The following TRIP12 variants were observed in gnomAD, a reference collection of about 807,000 sequenced individuals.
The protein encoded by TRIP12 is E3 ubiquitin-protein ligase TRIP12.
TRIP12 carries 25 observed loss-of-function variants against 244.2 expected under a neutral mutation model. That is an observed-to-expected ratio of 0.10 (90% confidence interval 0.07 to 0.14). The LOEUF is 0.14. TRIP12 is among the 10% of genes least tolerant of loss of function. TRIP12 has a pLI of 1.00. For missense variants in TRIP12, 1,677 were observed against 2,486.4 expected, an observed-to-expected ratio of 0.67 and a Z score of 6.92; for synonymous variants, 905 against 873.1, an observed-to-expected ratio of 1.04 and a Z score of -0.64.
At position 229,766,455 on chromosome 2, in the gene TRIP12, A is replaced by G. The variant is rs1176808774; in HGVS notation, c.*1099T>C. On this transcript the variant is annotated 3_prime_UTR_variant, in exon 42 of 42. Coordinates refer to ENST00000675903, the MANE Select transcript of TRIP12 (RefSeq NM_001348323.3). ...TATTGCAGATTTGAGAAATCAGCACATAAAATGACTGGACAGCATTGCTTA... is the reference window on the plus strand; with the variant it reads ...TATTGCAGATTTGAGAAATCAGCACGTAAAATGACTGGACAGCATTGCTTA... 6.6e-6 allele frequency: 1 copy of G among 152,222 alleles called. No homozygotes were observed. The highest frequency in any genetic ancestry group is 2.4e-5 in the African/African-American group (1 of 41,462). 9.4% of individuals were successfully genotyped at this position (152,222 alleles called of 1,614,324 possible).
chr2:229,874,026 G>A (rs1208871938), intron 2 of TRIP12, among the ~76,000 whole-genome samples: 2 of 149,382 alleles, frequency 1.3e-5, no homozygotes, highest in East Asian at 2.0e-4. Context: ...ATTTTAAAAT[G>A]TTGTAGAAAT....
intron 4 of TRIP12, among the ~76,000 whole-genome samples, chr2:229,847,491 C>A (rs2057803700): frequency 6.6e-6 from 1 of 152,172 alleles, no homozygotes; most frequent in East Asian, 1.9e-4. Flanking sequence ...GCCACTAATA[C>A]AGCATTAAAA....
chr2:229,836,026 AC>A (rs2054725841), intron 6 of TRIP12, among the ~76,000 whole-genome samples: 1 of 152,216 alleles, frequency 6.6e-6, no homozygotes, highest in Non-Finnish European at 1.5e-5. Flanking sequence ...AAACAAGAAG[AC>A]ATCAATAGCG....
Position 229,769,237 on chromosome 2 carries a change from T to C in TRIP12, c.5897A>G (p.His1966Arg). 6.2e-7 allele frequency: 1 copy of C among 1,611,958 alleles called. No individual in the cohort carries two copies. Among genetic ancestry groups the C allele is most frequent in the Non-Finnish European group, 8.5e-7 (1 of 1,178,880 alleles). Residue 1966 changes from histidine (H) to arginine (R), a missense_variant, in exon 40 of 42, where the codon CAT (histidine) becomes CGT (arginine). This residue lies in a region of TRIP12 where 171 missense variants were observed against 388.4 expected (regional missense o/e 0.44). Transcript: ENST00000675903. ...ECCRPDHGYT[H>R]DSRAVKFLFE... Reference sequence around the variant, plus strand: ...GGCAGACCCCAGTACTTACCTGTCATGAGTATAACCATGATCAGGCCTACA... The same window carrying C: ...GGCAGACCCCAGTACTTACCTGTCACGAGTATAACCATGATCAGGCCTACA...
Position 229,790,692 on chromosome 2 carries a change from G to A in TRIP12, c.4543+432C>T, listed in dbSNP as rs537046806. 2.0e-5 allele frequency among the ~76,000 whole-genome samples: 3 copies of A among 152,296 alleles called. No homozygotes were observed. The South Asian group carries it at 6.2e-4, about 32-fold the overall frequency. ...AAAATAAGTCTATTAGAAAGTGACGGTTATATTCGATGGTCATTACATTAC... is the reference window on the plus strand; with the variant it reads ...AAAATAAGTCTATTAGAAAGTGACGATTATATTCGATGGTCATTACATTAC... On this transcript the variant is annotated intron_variant, in intron 30 of 41. Coordinates refer to ENST00000675903, the MANE Select transcript of TRIP12 (RefSeq NM_001348323.3).
intron 4 of TRIP12, among the ~76,000 whole-genome samples, chr2:229,857,715 C>CT (rs1170756992): frequency 2.0e-5 from 3 of 152,094 alleles, no homozygotes; most frequent in Non-Finnish European, 4.4e-5. Flanking sequence ...CTGAAGAAGT[C>CT]TTTTGGTAAA....
At chr2:229,811,086 T>A (rs765278034) in intron 14 of TRIP12, 41 bp from the exon 15 acceptor site, 1 of 1,613,468 alleles carries the variant, frequency 6.2e-7, no homozygotes, top group South Asian at 1.1e-5. Flanking sequence ...ACATCAAGAT[T>A]CAGCAATTCA....
intron 1 of TRIP12, among the ~76,000 whole-genome samples, chr2:229,903,427 A>T (rs542573605): frequency 6.6e-6 from 1 of 152,166 alleles, no homozygotes; most frequent in Non-Finnish European, 1.5e-5. Flanking sequence ...AAGTAAGGCC[A>T]TCTGAGCTAA....
At chr2:229,781,335 A>C (rs1385950319) in intron 34 of TRIP12, among the ~76,000 whole-genome samples, 4 of 152,266 alleles carry the variant, frequency 2.6e-5, no homozygotes, top group African/African-American at 4.8e-5. Flanking sequence ...CTTAAAATGG[A>C]ATCTTTTTCT....
At position 229,792,205 on chromosome 2, in the gene TRIP12, T is replaced by C. The variant is rs377294298; in HGVS notation, c.4163A>G (p.Asp1388Gly). 1.7e-5 allele frequency: 28 copies of C among 1,613,930 alleles called. No homozygotes were observed. Among genetic ancestry groups the C allele is most frequent in the Non-Finnish European group, 2.2e-5 (26 of 1,179,970 alleles). Reference sequence around the variant, plus strand: ...TCCATCGTCATCGCTGTCTTCATCATCTTCTCTTACTCTTCCATACCCTGA... The same window carrying C: ...TCCATCGTCATCGCTGTCTTCATCACCTTCTCTTACTCTTCCATACCCTGA... Reference protein sequence around the residue: ...VVRGYGRVREDDEDSDDDGSD... With the variant: ...VVRGYGRVREGDEDSDDDGSD... Residue 1388 changes from aspartate (D) to glycine (G), a missense_variant, in exon 28 of 42, where the codon GAT becomes GGT. Physicochemically the swap from Asp to Gly is moderately conservative, Grantham distance 94 (BLOSUM62 -1). This residue lies in a region of TRIP12 where 265 missense variants were observed against 370.8 expected (regional missense o/e 0.71). Coordinates refer to ENST00000675903, the MANE Select transcript of TRIP12 (RefSeq NM_001348323.3).
chr2:229,881,406 G>C (rs1436184012), intron 1 of TRIP12, among the ~76,000 whole-genome samples: 1 of 152,172 alleles, frequency 6.6e-6, no homozygotes, highest in African/African-American at 2.4e-5. Context: ...TATTTACTGG[G>C]AAAGAGAGTG....
intron 1 of TRIP12, among the ~76,000 whole-genome samples, chr2:229,911,874 A>G (rs931580631): frequency 1.3e-5 from 2 of 149,654 alleles, no homozygotes; most frequent in Admixed American, 6.7e-5. Context: ...TAATGGCTAG[A>G]AAAAAAAAAC....
intron 1 of TRIP12, among the ~76,000 whole-genome samples, chr2:229,915,786 C>T (rs536766652): frequency 1.2e-4 from 18 of 152,246 alleles, no homozygotes; most frequent in African/African-American, 4.3e-4. Flanking sequence ...TTCCATCTCC[C>T]AGGCTCAAGC....
At chr2:229,825,619 C>T (rs555746588) in intron 8 of TRIP12, among the ~76,000 whole-genome samples, 3 of 152,226 alleles carry the variant, frequency 2.0e-5, no homozygotes, top group Admixed American at 6.5e-5. Context: ...ATAAAACCAT[C>T]GGATCTAGTG....
chr2:229,792,155 G>A lies in TRIP12; in HGVS notation c.4213C>T (p.Leu1405=). 1 of 1,614,008 alleles carries A rather than the reference G, an allele frequency of 6.2e-7. No homozygotes were observed. The part of the protein sequence containing the change: ...DGSDEEIDES[L]AAQFLNSGNV... The stretch of plus-strand genomic sequence containing the variant: ...ATGGTGGGAATATAGTACCTTACCA[G>A]AGACTCATCTATTTCCTCATCTGAT... The change falls in exon 28 of 42, where the codon CTG becomes TTG. Residue 1405 remains leucine (L), a splice_region_variant and synonymous_variant. Coordinates refer to ENST00000675903, the MANE Select transcript of TRIP12 (RefSeq NM_001348323.3).
intron 1 of TRIP12, among the ~76,000 whole-genome samples, chr2:229,904,079 G>A (rs1390338708): frequency 1.3e-5 from 2 of 151,702 alleles, no homozygotes; most frequent in Admixed American, 6.6e-5. Flanking sequence ...AAAAAGCATG[G>A]CTTCACAGAT....
intron 30 of TRIP12, 61 bp downstream of exon 30, chr2:229,791,063 T>C (rs982292185): frequency 9.4e-6 from 15 of 1,594,778 alleles, no homozygotes; most frequent in African/African-American, 1.4e-5. Flanking sequence ...TCTTTGAAAA[T>C]CATGAAAATG....
intron 13 of TRIP12, among the ~76,000 whole-genome samples, chr2:229,812,077 T>C (rs1416156756): frequency 1.3e-5 from 2 of 152,142 alleles, no homozygotes; most frequent in Non-Finnish European, 1.5e-5. Flanking sequence ...ATCTCAACTA[T>C]GTTTTTATTT....
chr2:229,772,061 C>T (rs1268687582), intron 38 of TRIP12, among the ~76,000 whole-genome samples: 1 of 152,168 alleles, frequency 6.6e-6, no homozygotes, highest in African/African-American at 2.4e-5. Context: ...GTTCTAAATC[C>T]TGTGAAGTTC....
Sources: allele counts gnomAD v4.1 joint callset (sites outside exome capture counted in the v4.1 genomes callset), GRCh38; gene constraint gnomAD v4.1.1; regional missense constraint gnomAD v4.1.1; transcripts MANE v1.5; gene names NCBI Gene and HGNC (gene_info 2026-07-23, HGNC 2026-07-21).